BAIAP2: variants seen among roughly 807,000 people sequenced by gnomAD.
The protein encoded by BAIAP2 is BAR/IMD domain containing adaptor protein 2.
In BAIAP2, 18 loss-of-function variants were observed where a neutral mutation model predicts 63.0. That is an observed-to-expected ratio of 0.29 (90% CI 0.20 to 0.42). The LOEUF is 0.42. Ranked by LOEUF, BAIAP2 falls within the 10% of genes least tolerant of loss-of-function variation. BAIAP2 has a pLI of 1.00. For synonymous variants in BAIAP2, 386 were observed against 307.6 expected (o/e 1.25, Z -2.67); for missense variants, 610 against 734.3 (o/e 0.83, Z 1.96).
intron 6 of BAIAP2, chr17:81,098,051 CA>C: frequency 1.6e-6 from 2 of 1,216,134 alleles, no homozygotes; most frequent in Non-Finnish European, 2.1e-6. Flanking sequence ...CGCGCTACCC[CA>C]GACCTCAGGC....
intron 6 of BAIAP2, among the ~76,000 whole-genome samples, chr17:81,096,222 T>C (rs989797309): frequency 2.0e-5 from 3 of 152,186 alleles, no homozygotes; most frequent in Non-Finnish European, 4.4e-5. Flanking sequence ...TTGCCAGGCG[T>C]TGGATCTCCT....
At chr17:81,099,218 C>T (rs1844679734) in intron 6 of BAIAP2, among the ~76,000 whole-genome samples, 1 of 151,724 alleles carries the variant, frequency 6.6e-6, no homozygotes, top group Non-Finnish European at 1.5e-5. Flanking sequence ...GTCTGATCCT[C>T]CCCACGAACT....
rs915826459 is a variant in BAIAP2 at position 81,046,224 on chromosome 17, C to T, written c.55-7444C>T. On this transcript the variant is annotated intron_variant, in intron 1 of 13. Coordinates refer to ENST00000428708, the MANE Select transcript of BAIAP2 (RefSeq NM_001144888.2). The surrounding 1 kb of genome is among the most constrained non-coding windows in gnomAD (Gnocchi z 4.5). Reference sequence around the variant, plus strand: ...GCCCACCTTCAGGCCCCCGTCCTAACCCTGCGCGCCGTTTCCTCCCAGAAA... The same window carrying T: ...GCCCACCTTCAGGCCCCCGTCCTAATCCTGCGCGCCGTTTCCTCCCAGAAA... Among the ~76,000 whole-genome samples, 1 of 152,152 alleles carries T rather than the reference C, an allele frequency of 6.6e-6. No individual in the cohort carries two copies. Among genetic ancestry groups the T allele is most frequent in the African/African-American group, 2.4e-5 (1 of 41,418 alleles).
At chr17:81,067,165 TC>T (rs908971423) in intron 3 of BAIAP2, among the ~76,000 whole-genome samples, 9 of 151,806 alleles carry the variant, frequency 5.9e-5, no homozygotes, top group Non-Finnish European at 1.3e-4. Context: ...GTACCTCCCT[TC>T]CCCCCCACAC....
At chr17:81,109,703 G>A (rs746240616) in intron 13 of BAIAP2, 237 of 985,396 alleles carry the variant, frequency 2.4e-4, no homozygotes, top group East Asian at 4.5e-4. Flanking sequence ...ATAGAGCAGC[G>A]CGGCACAGTG....
chr17:81,108,216 G>C, intron 12 of BAIAP2: 1 of 582,634 alleles, frequency 1.7e-6, no homozygotes, highest in South Asian at 2.0e-5. Context: ...TTGGGAGTGT[G>C]CAACAAGCAC....
chr17:81,107,042 G>C, intron 12 of BAIAP2, 135 bp downstream of exon 12: 2 of 1,115,304 alleles, frequency 1.8e-6, no homozygotes, highest in Non-Finnish European at 2.5e-6. Flanking sequence ...TGGGGTGAAG[G>C]CTGCATGATT....
chr17:81,061,882 G>A (rs2050613622), intron 3 of BAIAP2, among the ~76,000 whole-genome samples: 1 of 152,128 alleles, frequency 6.6e-6, no homozygotes, highest in Non-Finnish European at 1.5e-5. Flanking sequence ...GAAGTCCCTT[G>A]CCAGGAATCT....
At chr17:81,108,719 T>G in intron 13 of BAIAP2, 1 of 853,408 alleles carries the variant, frequency 1.2e-6, no homozygotes. Context: ...CCCTCTTTCA[T>G]CGCATCTGGC....
At chr17:81,110,419 ATAT>A in intron 13 of BAIAP2, 1 of 990,968 alleles carries the variant, frequency 1.0e-6, no homozygotes, top group Non-Finnish European at 1.2e-6. Context: ...AGTGCTGAAC[ATAT>A]TTTTTTCCTG....
At chr17:81,049,084 C>T (rs1394110144) in intron 1 of BAIAP2, among the ~76,000 whole-genome samples, 5 of 152,240 alleles carry the variant, frequency 3.3e-5, no homozygotes, top group East Asian at 1.9e-4. Flanking sequence ...CGTGCCGGCC[C>T]GGGAACGCGG....
intron 13 of BAIAP2, among the ~76,000 whole-genome samples, chr17:81,114,589 T>C (rs558146066): frequency 6.6e-6 from 1 of 152,292 alleles, no homozygotes; most frequent in African/African-American, 2.4e-5. Flanking sequence ...TCTGGGAGTC[T>C]GGGAGCCTTC....
intron 3 of BAIAP2, among the ~76,000 whole-genome samples, chr17:81,081,998 C>A (rs780660374): frequency 6.6e-6 from 1 of 152,036 alleles, no homozygotes; most frequent in Non-Finnish European, 1.5e-5. Flanking sequence ...CAGGGCGCGT[C>A]TTAGGTGGTT....
At chr17:81,062,150 C>G (rs2050667177) in intron 3 of BAIAP2, among the ~76,000 whole-genome samples, 1 of 152,126 alleles carries the variant, frequency 6.6e-6, no homozygotes, top group Admixed American at 6.6e-5. Context: ...GGGGTTTCAC[C>G]ATGTTGTCCA....
chr17:81,113,156 A>C (rs1363750694), intron 13 of BAIAP2, among the ~76,000 whole-genome samples: 1 of 152,236 alleles, frequency 6.6e-6, no homozygotes, highest in Non-Finnish European at 1.5e-5. Flanking sequence ...GACAGAGCCC[A>C]GGCCTCTGCA....
chr17:81,047,435 G>A (rs2047978898), intron 1 of BAIAP2, among the ~76,000 whole-genome samples: 1 of 152,236 alleles, frequency 6.6e-6, no homozygotes, highest in Non-Finnish European at 1.5e-5. Flanking sequence ...TTGTTCTTCT[G>A]AGTAGATAGA....
chr17:81,095,641 C>A (rs1375796409), intron 6 of BAIAP2, among the ~76,000 whole-genome samples: 1 of 152,134 alleles, frequency 6.6e-6, no homozygotes, highest in Non-Finnish European at 1.5e-5. Context: ...TCAGCTCCCC[C>A]CGTCCTTCGG....
rs2047990846 is a variant in BAIAP2, at chr17:81,047,500, C to T, written c.55-6168C>T. Among the ~76,000 whole-genome samples, 4 of 152,276 alleles carry T rather than the reference C, an allele frequency of 2.6e-5. No individual in the cohort carries two copies. In the South Asian group the frequency reaches 8.3e-4, roughly 32 times the overall value. On this transcript the variant is annotated intron_variant, in intron 1 of 13. Transcript: ENST00000428708. Reference sequence around the variant, plus strand: ...CACATGTAGCACACACACAGGTCCACGTGTGTCCAGCACACGCATGAGTGC... The same window carrying T: ...CACATGTAGCACACACACAGGTCCATGTGTGTCCAGCACACGCATGAGTGC...
chr17:81,041,823 C>T (rs895207238), intron 1 of BAIAP2, among the ~76,000 whole-genome samples: 6 of 152,328 alleles, frequency 3.9e-5, no homozygotes, highest in African/African-American at 9.6e-5. Context: ...CCACCCACCT[C>T]GGGCTCCCAA....
Sources: allele counts gnomAD v4.1 joint callset (sites outside exome capture counted in the v4.1 genomes callset), GRCh38; gene constraint gnomAD v4.1.1; non-coding constraint Gnocchi (gnomAD v3.1); transcripts MANE v1.5; gene names NCBI Gene and HGNC (gene_info 2026-07-23, HGNC 2026-07-21).